Variants in HAUS6 observed in about 807,000 individuals in gnomAD.
HAUS6 encodes HAUS augmin like complex subunit 6, also known as HAUS augmin-like complex subunit 6.
HAUS6 carries 80 observed loss-of-function variants against 106.8 expected under a neutral mutation model. The observed-to-expected ratio is 0.75, with a 90% CI of 0.63 to 0.90. HAUS6 has a LOEUF of 0.90. HAUS6 is among the 40% of genes least tolerant of loss of function. The pLI is 0.00. For synonymous variants in HAUS6, 356 were observed against 379.1 expected, an observed-to-expected ratio of 0.94 and a Z score of 0.71; for missense variants, 1,155 against 1,118.1, an observed-to-expected ratio of 1.03 and a Z score of -0.47.
intron 12 of HAUS6, among the ~76,000 whole-genome samples, chr9:19,064,282 T>C (rs1408837861): frequency 6.6e-6 from 1 of 152,174 alleles, no homozygotes; most frequent in Non-Finnish European, 1.5e-5. Context: ...GACTTATTTT[T>C]AAGATTCTCT....
At chr9:19,098,858 A>C (rs1817921010) in intron 1 of HAUS6, among the ~76,000 whole-genome samples, 1 of 152,050 alleles carries the variant, frequency 6.6e-6, no homozygotes, top group Non-Finnish European at 1.5e-5. Context: ...CCCCGTCTCT[A>C]CTAAAAATAC....
chr9:19,085,483 A>C (rs1229402014), intron 7 of HAUS6, among the ~76,000 whole-genome samples: 25 of 152,098 alleles, frequency 1.6e-4, no homozygotes, highest in Admixed American at 1.6e-3. Flanking sequence ...ACATTCACTG[A>C]ATAAAAATAT....
At chr9:19,084,399 G>T (rs1187437376) in intron 7 of HAUS6, among the ~76,000 whole-genome samples, 3 of 152,152 alleles carry the variant, frequency 2.0e-5, no homozygotes, top group Non-Finnish European at 4.4e-5. Context: ...GAGGATTCTA[G>T]GGTGCTGGTA....
chr9:19,084,674 C>T (rs916534410), intron 7 of HAUS6, among the ~76,000 whole-genome samples: 5 of 150,892 alleles, frequency 3.3e-5, no homozygotes, highest in Non-Finnish European at 5.9e-5. Context: ...ACTCTGTCAC[C>T]CAGGCTGGAG....
intron 11 of HAUS6, among the ~76,000 whole-genome samples, chr9:19,074,846 C>G (rs1303845753): frequency 6.6e-6 from 1 of 152,102 alleles, no homozygotes; most frequent in Non-Finnish European, 1.5e-5. Flanking sequence ...ACCTAATTGT[C>G]TTGTACACAT....
At chr9:19,066,765 G>A (rs1836767794) in intron 12 of HAUS6, among the ~76,000 whole-genome samples, 1 of 151,032 alleles carries the variant, frequency 6.6e-6, no homozygotes, top group African/African-American at 2.4e-5. Context: ...AGGTCGGGGT[G>A]GGAGGATCAC....
intron 8 of HAUS6, among the ~76,000 whole-genome samples, chr9:19,081,222 G>A (rs1453843478): frequency 6.6e-6 from 1 of 151,996 alleles, no homozygotes; most frequent in African/African-American, 2.4e-5. Context: ...TTACACAAAA[G>A]GTTGAAAACT....
chr9:19,084,305 A>G (rs545384722), intron 7 of HAUS6, among the ~76,000 whole-genome samples: 1 of 152,322 alleles, frequency 6.6e-6, no homozygotes, highest in East Asian at 1.9e-4. Context: ...GAAGTTCAAA[A>G]ACAGGCAAAA....
intron 4 of HAUS6, among the ~76,000 whole-genome samples, chr9:19,089,886 G>A (rs1218748813): frequency 6.6e-6 from 1 of 152,138 alleles, no homozygotes; most frequent in African/African-American, 2.4e-5. Flanking sequence ...AGGCTGGAGT[G>A]CAGTGGCACA....
intron 8 of HAUS6, among the ~76,000 whole-genome samples, chr9:19,081,935 A>G (rs1485238968): frequency 6.6e-6 from 1 of 152,090 alleles, no homozygotes; most frequent in Non-Finnish European, 1.5e-5. Flanking sequence ...AGTCACAACA[A>G]TATTTTATCT....
intron 1 of HAUS6, 51 bp from the exon 2 acceptor site, chr9:19,096,820 T>C: frequency 3.6e-6 from 3 of 841,066 alleles, no homozygotes; most frequent in East Asian, 2.7e-5. Context: ...GTTAATAAGC[T>C]AAACATCATC....
intron 2 of HAUS6, among the ~76,000 whole-genome samples, chr9:19,094,986 A>G (rs1370887792): frequency 1.3e-5 from 2 of 152,116 alleles, no homozygotes; most frequent in East Asian, 1.9e-4. Context: ...AAAGACAACA[A>G]TCTCAATGGA....
At chr9:19,093,439 G>C (rs1479784033) in intron 3 of HAUS6, 136 bp from the exon 4 acceptor site, 1 of 780,050 alleles carries the variant, frequency 1.3e-6, no homozygotes, top group Non-Finnish European at 2.1e-6. Flanking sequence ...TATGCTATAG[G>C]TTGGCGTGGG....
chr9:19,073,562 T>C (rs1836923583), intron 11 of HAUS6, among the ~76,000 whole-genome samples: 1 of 150,054 alleles, frequency 6.7e-6, no homozygotes, highest in African/African-American at 2.5e-5. Flanking sequence ...AAACTAATCC[T>C]GGCAAGAGTG....
At chr9:19,070,861 G>C (rs1308629883) in intron 11 of HAUS6, among the ~76,000 whole-genome samples, 10 of 152,314 alleles carry the variant, frequency 6.6e-5, no homozygotes, top group Non-Finnish European at 1.5e-5. Context: ...CAGAATTTAA[G>C]GAGGCAGAGG....
chr9:19,067,662 A>G (rs768031567), intron 12 of HAUS6, among the ~76,000 whole-genome samples: 1 of 152,084 alleles, frequency 6.6e-6, no homozygotes, highest in Non-Finnish European at 1.5e-5. Context: ...TTCTGATAGT[A>G]TCTTGGTACA....
chr9:19,074,150 G>A (rs1489719618), intron 11 of HAUS6, among the ~76,000 whole-genome samples: 1 of 152,044 alleles, frequency 6.6e-6, no homozygotes, highest in Non-Finnish European at 1.5e-5. Context: ...GGGAGGCTGA[G>A]GCAGGAGAAT....
intron 14 of HAUS6, among the ~76,000 whole-genome samples, chr9:19,061,038 C>T (rs1836604838): frequency 6.6e-6 from 1 of 152,210 alleles, no homozygotes; most frequent in Non-Finnish European, 1.5e-5. Context: ...GTGGCGCATG[C>T]CTGTAATTCC....
rs1289541348 is a variant in HAUS6, at chr9:19,055,048, C to G, written c.*1295G>C. On this transcript the variant is annotated 3_prime_UTR_variant, in exon 17 of 17. Transcript: ENST00000380502. ...ATTGCAAAGAAGGTAGTTACATGTG[C>G]TTTCTTTTGTCTTTTCTCACAAAAA... 1 of 152,138 alleles carries G rather than the reference C, an allele frequency of 6.6e-6. No homozygotes were observed. The highest frequency in any genetic ancestry group is 1.5e-5 in the Non-Finnish European group (1 of 68,028). The allele number at this position is 152,138 out of a possible 1,614,324, so 9.4% of individuals were successfully genotyped here.
Sources: gnomAD v4.1 joint callset for allele counts (sites outside exome capture counted in the v4.1 genomes callset) on GRCh38, gnomAD v4.1.1 for gene constraint, MANE v1.5 for transcripts, NCBI Gene and HGNC (gene_info 2026-07-23, HGNC 2026-07-21) for gene names.